Variants in FBXW8 observed in about 807,000 individuals in gnomAD.
The protein encoded by FBXW8 is F-box and WD repeat domain containing 8.
Under a neutral mutation model 65.3 loss-of-function variants are expected in FBXW8, and 57 were observed. The observed-to-expected ratio is 0.87, with a 90% CI of 0.71 to 1.09. The LOEUF is 1.09. FBXW8 is among the 50% of genes least tolerant of loss of function. The probability of loss-of-function intolerance (pLI) is 0.00; values close to 1 mark genes in which losing one functional copy is unlikely to be tolerated. For synonymous variants in FBXW8, 308 were observed against 330.2 expected, an observed-to-expected ratio of 0.93 and a Z score of 0.73; for missense variants, 777 against 814.8, an observed-to-expected ratio of 0.95 and a Z score of 0.57.
chr12:117,021,086 G>A (rs1472415776), intron 8 of FBXW8, among the ~76,000 whole-genome samples: 1 of 152,170 alleles, frequency 6.6e-6, no homozygotes, highest in Admixed American at 6.5e-5. Context: ...AGCTGTCTAG[G>A]AGTACCTACC....
chr12:116,971,866 G>A (rs916244081), intron 5 of FBXW8, among the ~76,000 whole-genome samples: 2 of 152,132 alleles, frequency 1.3e-5, no homozygotes, highest in African/African-American at 4.8e-5. Flanking sequence ...GTCATGAATT[G>A]TTTTTCACAC....
chr12:117,018,362 C>T (rs1311268747), intron 8 of FBXW8, among the ~76,000 whole-genome samples: 2 of 152,236 alleles, frequency 1.3e-5, no homozygotes, highest in African/African-American at 2.4e-5. Flanking sequence ...CCATTGGCTC[C>T]TCTTTGTCCC....
intron 9 of FBXW8, 83 bp from the exon 10 acceptor site, chr12:117,027,311 G>A (rs1464895283): frequency 2.0e-6 from 2 of 1,005,790 alleles, no homozygotes; most frequent in Non-Finnish European, 3.1e-6. Flanking sequence ...AGAATCCCCT[G>A]CAGCTCTGAA....
chr12:116,970,542 C>G (rs550533520), intron 5 of FBXW8, among the ~76,000 whole-genome samples: 1 of 152,250 alleles, frequency 6.6e-6, no homozygotes, highest in South Asian at 2.1e-4. Flanking sequence ...ACAGTAGGAC[C>G]ATGTTTTAGT....
chr12:116,966,174 TG>T (rs1475063856), intron 5 of FBXW8, among the ~76,000 whole-genome samples: 1 of 152,182 alleles, frequency 6.6e-6, no homozygotes, highest in African/African-American at 2.4e-5. Context: ...TCAGCTGAGC[TG>T]TTTCTGTGGT....
At chr12:116,969,109 A>G (rs1440771766) in intron 5 of FBXW8, among the ~76,000 whole-genome samples, 1 of 152,024 alleles carries the variant, frequency 6.6e-6, no homozygotes, top group Non-Finnish European at 1.5e-5. Context: ...ATTTACATCA[A>G]GCTTGTCAGT....
chr12:117,013,971 T>C (rs1038225066), intron 8 of FBXW8, among the ~76,000 whole-genome samples: 85 of 152,258 alleles, frequency 5.6e-4, no homozygotes, highest in African/African-American at 1.9e-3. Flanking sequence ...TTTATGTCTT[T>C]CACTAAATTT....
rs1458798000 is a variant in FBXW8 at position 116,961,873 on chromosome 12, G to T, written c.678-2824G>T. Among the ~76,000 whole-genome samples, 1 of 152,202 alleles carries T rather than the reference G, an allele frequency of 6.6e-6. No homozygotes were observed. The highest frequency in any genetic ancestry group is 1.9e-4 in the East Asian group (1 of 5,194). On this transcript the variant is annotated intron_variant, in intron 4 of 10. Transcript: ENST00000652555. This position sits in a 1 kb window ranked among gnomAD's most constrained non-coding sequence, Gnocchi z 4.4. The stretch of plus-strand genomic sequence containing the variant: ...GGTGTTTTGAAGGGCTTGGCTTGTG[G>T]GGGGAGGATTGAATGGAAGAAGCTC...
At chr12:116,937,444 G>A (rs1882245067) in intron 2 of FBXW8, among the ~76,000 whole-genome samples, 1 of 152,200 alleles carries the variant, frequency 6.6e-6, no homozygotes, top group Non-Finnish European at 1.5e-5. Flanking sequence ...CAGAGGACCG[G>A]GAAGGAGTTC....
chr12:116,992,496 C>T (rs1272775061), intron 7 of FBXW8, among the ~76,000 whole-genome samples: 1 of 149,888 alleles, frequency 6.7e-6, no homozygotes, highest in Non-Finnish European at 1.5e-5. Context: ...CATGGATGAA[C>T]TGTATAGTGG....
chr12:117,025,154 C>T (rs1954194236), intron 9 of FBXW8, among the ~76,000 whole-genome samples: 1 of 152,180 alleles, frequency 6.6e-6, no homozygotes, highest in Non-Finnish European at 1.5e-5. Context: ...GGGAGAAAGG[C>T]AGCCGGCCCT....
chr12:116,966,884 AATTTTTGT>A (rs1329376205), intron 5 of FBXW8, among the ~76,000 whole-genome samples: 1 of 151,950 alleles, frequency 6.6e-6, no homozygotes, highest in African/African-American at 2.4e-5. Context: ...ACAACCAACT[AATTTTTGT>A]ATTTTTACTA....
chr12:116,937,081 G>A (rs1882215173), intron 2 of FBXW8, among the ~76,000 whole-genome samples: 1 of 152,096 alleles, frequency 6.6e-6, no homozygotes, highest in Non-Finnish European at 1.5e-5. Context: ...AGTCAGGATT[G>A]TGGATGGGCT....
Position 116,945,519 on chromosome 12 carries a change from CA to C in FBXW8, c.581del (p.Asn194ThrfsTer9). Reference protein sequence around the residue: ...CRAKEHMLRTNWKNRKGAVSE... With the variant: ...CRAKEHMLRTXWKNRKGAVSE... The stretch of plus-strand genomic sequence containing the variant: ...GAGCCAAGGAACACATGTTACGAAC[CA>C]ACTGGAAGGTGGGCAGTGGCCAATA... On this transcript the variant is annotated frameshift_variant, in exon 3 of 11. Coordinates refer to ENST00000652555, the MANE Select transcript of FBXW8 (RefSeq NM_153348.3). LOFTEE classifies it high-confidence loss of function. 1 of 1,613,558 alleles carries C rather than the reference CA, an allele frequency of 6.2e-7. No homozygotes were observed. Among genetic ancestry groups the C allele is most frequent in the African/African-American group, 1.3e-5 (1 of 75,056 alleles).
At chr12:116,937,289 G>C (rs1565904351) in intron 2 of FBXW8, among the ~76,000 whole-genome samples, 1 of 152,144 alleles carries the variant, frequency 6.6e-6, no homozygotes. Context: ...ATGGAAATTT[G>C]GAAGCTGTCA....
intron 8 of FBXW8, among the ~76,000 whole-genome samples, chr12:117,020,602 TCCAG>T (rs1954071034): frequency 6.6e-6 from 1 of 152,240 alleles, no homozygotes; most frequent in South Asian, 2.1e-4. Flanking sequence ...CTGATCTGCT[TCCAG>T]CCTATCTCCC....
chr12:117,023,184 C>G (rs1469631065), intron 8 of FBXW8, among the ~76,000 whole-genome samples: 2 of 152,204 alleles, frequency 1.3e-5, no homozygotes, highest in African/African-American at 4.8e-5. Flanking sequence ...GCTTGCATAA[C>G]TAGAGTCAGG....
intron 8 of FBXW8, among the ~76,000 whole-genome samples, chr12:117,013,079 A>C (rs969952486): frequency 7.9e-5 from 12 of 152,120 alleles, no homozygotes; most frequent in Non-Finnish European, 1.2e-4. Context: ...CCCCGTCTCT[A>C]CTAAAATACA....
chr12:117,013,037 G>C (rs992660108), intron 8 of FBXW8, among the ~76,000 whole-genome samples: 5 of 152,152 alleles, frequency 3.3e-5, no homozygotes, highest in African/African-American at 4.8e-5. Context: ...TTGAGGTCAG[G>C]AGTTCAAGGT....
Sources: allele counts gnomAD v4.1 joint callset (sites outside exome capture counted in the v4.1 genomes callset), GRCh38; gene constraint gnomAD v4.1.1; non-coding constraint Gnocchi (gnomAD v3.1); transcripts MANE v1.5; gene names NCBI Gene and HGNC (gene_info 2026-07-23, HGNC 2026-07-21).